CDC42SE2: variants seen among roughly 807,000 people sequenced by gnomAD.
CDC42SE2 encodes CDC42 small effector 2, also known as CDC42 small effector protein 2.
In CDC42SE2, 3 loss-of-function variants were observed where a neutral mutation model predicts 11.5. The observed-to-expected ratio is 0.26, with a 90% CI of 0.12 to 0.67. CDC42SE2 has a LOEUF of 0.67. Ranked by LOEUF, CDC42SE2 falls within the 30% of genes least tolerant of loss-of-function variation. CDC42SE2 has a pLI of 0.80. For synonymous variants in CDC42SE2, 33 were observed against 34.8 expected (o/e 0.95, Z 0.18); for missense variants, 82 against 106.8 (o/e 0.77, Z 1.02).
At chr5:131,235,283 C>T in the CDC42SE2 span, among the ~76,000 whole-genome samples, 1 of 143,596 alleles carries the variant, frequency 7.0e-6, no homozygotes, top group Non-Finnish European at 1.5e-5. Flanking sequence ...CTCACAGACA[C>T]ATCCAGACAT....
At chr5:131,218,642 T>C in the CDC42SE2 span, among the ~76,000 whole-genome samples, 2 of 152,148 alleles carry the variant, frequency 1.3e-5, no homozygotes, top group Non-Finnish European at 2.9e-5. Context: ...AAAGAGTAAA[T>C]GATATATTCA....
chr5:131,286,315 C>T (rs954709593), intron 1 of CDC42SE2, among the ~76,000 whole-genome samples: 1 of 150,020 alleles, frequency 6.7e-6, no homozygotes, highest in Admixed American at 6.7e-5. Context: ...AACTCCTGGG[C>T]TTAAGTGATC....
intron 2 of CDC42SE2, among the ~76,000 whole-genome samples, chr5:131,339,144 A>C (rs1320172914): frequency 6.7e-6 from 1 of 149,264 alleles, no homozygotes; most frequent in Non-Finnish European, 1.5e-5. Context: ...GCTACTCGGC[A>C]GACTGAGGCA....
intron 2 of CDC42SE2, among the ~76,000 whole-genome samples, chr5:131,346,782 A>G (rs1561593376): frequency 6.6e-6 from 1 of 152,232 alleles, no homozygotes; most frequent in Non-Finnish European, 1.5e-5. Context: ...ATGTAAAAGA[A>G]CAGAAATTAT....
chr5:131,261,745 G>C (rs1037390950), upstream of CDC42SE2: 4 of 152,114 alleles, frequency 2.6e-5, no homozygotes, highest in Non-Finnish European at 5.9e-5. Flanking sequence ...AGCTCCTTGG[G>C]AGGCTGAGGT....
At chr5:131,373,814 G>A (rs764184964) in intron 3 of CDC42SE2, among the ~76,000 whole-genome samples, 6 of 152,056 alleles carry the variant, frequency 3.9e-5, no homozygotes, top group East Asian at 1.9e-4. Flanking sequence ...GAGAGAGAAG[G>A]AACAAATCGA....
At chr5:131,280,297 C>G (rs1332278505) in intron 1 of CDC42SE2, among the ~76,000 whole-genome samples, 1 of 152,136 alleles carries the variant, frequency 6.6e-6, no homozygotes, top group African/African-American at 2.4e-5. Context: ...TTTAATCCTA[C>G]CACCCTAAAA....
At chr5:131,334,695 A>AC (rs1292871218) in intron 2 of CDC42SE2, among the ~76,000 whole-genome samples, 21 of 152,088 alleles carry the variant, frequency 1.4e-4, no homozygotes, top group African/African-American at 4.8e-4. Flanking sequence ...TAGTCTTGGG[A>AC]GAGTGTATGT....
intron 1 of CDC42SE2, among the ~76,000 whole-genome samples, chr5:131,269,311 T>C (rs1363811376): frequency 1.3e-5 from 2 of 152,288 alleles, no homozygotes; most frequent in East Asian, 1.9e-4. Flanking sequence ...ACTCCCTCTT[T>C]TTCCTAGAAA....
the CDC42SE2 span, among the ~76,000 whole-genome samples, chr5:131,237,315 T>G: frequency 6.6e-6 from 1 of 152,246 alleles, no homozygotes; most frequent in Non-Finnish European, 1.5e-5. Flanking sequence ...GATACAGAAT[T>G]CTATGCTGAT....
At chr5:131,236,465 C>T in the CDC42SE2 span, among the ~76,000 whole-genome samples, 1 of 152,136 alleles carries the variant, frequency 6.6e-6, no homozygotes, top group African/African-American at 2.4e-5. Context: ...CTTGCTCTGT[C>T]GCCCAGGCTG....
rs1207749105 is a variant in CDC42SE2, at chr5:131,344,176, G to A, written c.-285-15033G>A. Among the ~76,000 whole-genome samples, 10 of 151,900 alleles carry A rather than the reference G, an allele frequency of 6.6e-5. No homozygotes were observed. The East Asian group carries it at 2.0e-3, about 30-fold the overall frequency. On this transcript the variant is annotated intron_variant, in intron 2 of 4. Transcript: ENST00000505065. ...TCTCACTGGGGCTTGTCAGACAGTG[G>A]GTGCAGCCCACGGAGCAGGGCGGGG...
chr5:131,277,667 T>A (rs1580726841), intron 1 of CDC42SE2, among the ~76,000 whole-genome samples: 1 of 152,242 alleles, frequency 6.6e-6, no homozygotes, highest in African/African-American at 2.4e-5. Context: ...TTAGAGCTTT[T>A]ACACTGGTTG....
chr5:131,308,289 G>T (rs1170615765), intron 1 of CDC42SE2, among the ~76,000 whole-genome samples: 1 of 152,000 alleles, frequency 6.6e-6, no homozygotes, highest in African/African-American at 2.4e-5. Context: ...GCTCTGTTGT[G>T]TTCCATTGAT....
At chr5:131,317,865 C>CT (rs11408968) in intron 2 of CDC42SE2, among the ~76,000 whole-genome samples, 64,133 of 148,796 alleles carry the variant, frequency 0.43, 17,490 homozygotes, top group African/African-American at 0.78. Context: ...GAAGAATTCA[C>CT]TTTTTTTTTT....
intron 2 of CDC42SE2, among the ~76,000 whole-genome samples, chr5:131,353,343 A>G (rs1187494525): frequency 2.0e-5 from 3 of 149,546 alleles, no homozygotes; most frequent in Non-Finnish European, 3.0e-5. Flanking sequence ...GTGCAGTGGT[A>G]TGATCCCAGC....
At chr5:131,277,506 A>G (rs2149698610) in intron 1 of CDC42SE2, among the ~76,000 whole-genome samples, 1 of 152,364 alleles carries the variant, frequency 6.6e-6, no homozygotes, top group East Asian at 1.9e-4. Context: ...ACCCATTCAG[A>G]ATAAGATATA....
At chr5:131,221,428 C>T in the CDC42SE2 span, among the ~76,000 whole-genome samples, 4 of 151,966 alleles carry the variant, frequency 2.6e-5, no homozygotes, top group African/African-American at 9.7e-5. Flanking sequence ...TTTAAATGTT[C>T]TGCTCATCTA....
intron 2 of CDC42SE2, among the ~76,000 whole-genome samples, chr5:131,338,472 C>T (rs538079360): frequency 1.3e-5 from 2 of 152,276 alleles, no homozygotes; most frequent in Admixed American, 6.5e-5. Context: ...GAATGCCTGT[C>T]TACTACCATG....
Sources: allele counts gnomAD v4.1 joint callset (sites outside exome capture counted in the v4.1 genomes callset), GRCh38; gene constraint gnomAD v4.1.1; transcripts MANE v1.5; gene names NCBI Gene and HGNC (gene_info 2026-07-23, HGNC 2026-07-21).